Variants in SORD observed in about 807,000 individuals in gnomAD.
The protein encoded by SORD is (R,R)-butanediol dehydrogenase.
Under a neutral mutation model 35.6 loss-of-function variants are expected in SORD, and 18 were observed. That is an observed-to-expected ratio of 0.51 (90% CI 0.35 to 0.75). SORD has a LOEUF of 0.75. Ranked by LOEUF, SORD falls within the 30% of genes least tolerant of loss-of-function variation. The probability of loss-of-function intolerance (pLI) is 0.01; values close to 1 mark genes in which losing one functional copy is unlikely to be tolerated. For missense variants in SORD, 250 were observed against 390.2 expected, an observed-to-expected ratio of 0.64 and a Z score of 3.03; for synonymous variants, 106 against 152.9, an observed-to-expected ratio of 0.69 and a Z score of 2.26.
chr15:45,061,607 C>T (rs749643329), intron 4 of SORD, among the ~76,000 whole-genome samples: 1 of 151,874 alleles, frequency 6.6e-6, no homozygotes, highest in African/African-American at 2.4e-5. Flanking sequence ...GTGGCTCATG[C>T]CTGTAATCCC....
chr15:45,073,503 G>A lies in SORD; in HGVS notation c.1047G>A (p.Lys349=), dbSNP rs1349777040. The part of the protein sequence containing the change: ...KKGLGLKIML[K]CDPSDQNP ...GATTGGGGTTGAAAATCATGCTCAA[G>A]TGTGACCCCAGTGACCAGAATCCCT... Residue 349 remains lysine, a synonymous_variant, in exon 9 of 9, where the codon AAG becomes AAA. Coordinates refer to ENST00000267814, the MANE Select transcript of SORD (RefSeq NM_003104.6). The A allele has an allele frequency of 1.9e-6, 3 of 1,570,362 alleles. No individual in the cohort carries two copies. The highest frequency in any genetic ancestry group is 2.6e-6 in the Non-Finnish European group (3 of 1,165,862).
intron 1 of SORD, among the ~76,000 whole-genome samples, chr15:45,035,354 C>G (rs1380264745): frequency 1.3e-5 from 2 of 152,140 alleles, no homozygotes; most frequent in African/African-American, 4.8e-5. Context: ...TGTAAATATA[C>G]CAATCGGCAC....
At position 45,068,318 on chromosome 15, in the gene SORD, A is replaced by G. The variant is rs1893440804; in HGVS notation, c.610+72A>G. ...TCCTACTGTATGTGCATGTGTGAGG[A>G]GAGGTTATCTGTGACAGTGTGGAGG... On this transcript the variant is annotated intron_variant, in intron 6 of 8. Transcript: ENST00000267814. 10 of 1,111,168 alleles carry G rather than the reference A, an allele frequency of 9.0e-6. No homozygotes were observed. In the East Asian group the frequency reaches 2.1e-4, roughly 23 times the overall value. 68.8% of individuals were successfully genotyped at this position (1,111,168 alleles called of 1,614,324 possible). A position where few individuals can be genotyped will look rare whatever the true frequency, so the allele number is the denominator to read the frequency against.
chr15:45,068,099 T>C (rs1893436110), intron 5 of SORD, 82 bp from the exon 6 acceptor site: 2 of 1,038,264 alleles, frequency 1.9e-6, no homozygotes, highest in Admixed American at 3.4e-5. Flanking sequence ...ACAAAAGATA[T>C]GGTTCCTATC....
At chr15:45,026,045 T>C (rs2141260721) in intron 1 of SORD, among the ~76,000 whole-genome samples, 1 of 152,240 alleles carries the variant, frequency 6.6e-6, no homozygotes, top group Non-Finnish European at 1.5e-5. Flanking sequence ...CAGAAAGAGT[T>C]GTCAGCAGAG....
intron 4 of SORD, among the ~76,000 whole-genome samples, chr15:45,061,527 C>G (rs1434963288): frequency 6.6e-6 from 1 of 152,108 alleles, no homozygotes; most frequent in Non-Finnish European, 1.5e-5. Flanking sequence ...TCCTGTGGTT[C>G]ATCCTCTGTT....
At chr15:45,046,912 G>A (rs535079705) in intron 3 of SORD, among the ~76,000 whole-genome samples, 2 of 152,242 alleles carry the variant, frequency 1.3e-5, no homozygotes, top group East Asian at 1.9e-4. Flanking sequence ...CAGCTATTCA[G>A]GAGGCTGAGG....
At chr15:45,032,381 AAAACATT>A (rs1428895915) in intron 1 of SORD, among the ~76,000 whole-genome samples, 1 of 152,190 alleles carries the variant, frequency 6.6e-6, no homozygotes, top group Non-Finnish European at 1.5e-5. Flanking sequence ...TTAGAATCAC[AAAACATT>A]ATTATATATC....
At chr15:45,044,064 GT>G in intron 3 of SORD, among the ~76,000 whole-genome samples, 1 of 152,358 alleles carries the variant, frequency 6.6e-6, no homozygotes, top group Middle Eastern at 3.4e-3. Flanking sequence ...CCCATCCTGT[GT>G]TAGTTATAAA....
chr15:45,067,006 A>G (rs1183921483), intron 5 of SORD, among the ~76,000 whole-genome samples: 2 of 152,152 alleles, frequency 1.3e-5, no homozygotes, highest in South Asian at 2.1e-4. Flanking sequence ...TGGGTATAGA[A>G]TCTTTTAGTT....
chr15:45,032,422 A>G (rs1892801417), intron 1 of SORD, among the ~76,000 whole-genome samples: 1 of 152,048 alleles, frequency 6.6e-6, no homozygotes, highest in Non-Finnish European at 1.5e-5. Context: ...GGATGTCCCA[A>G]GACACCTCAG....
intron 3 of SORD, among the ~76,000 whole-genome samples, chr15:45,049,729 T>TA (rs1893097989): frequency 6.6e-6 from 1 of 152,216 alleles, no homozygotes; most frequent in Non-Finnish European, 1.5e-5. Flanking sequence ...CCAGATTTTT[T>TA]ATATTACTGA....
At chr15:45,052,706 C>T (rs1893144601) in intron 3 of SORD, among the ~76,000 whole-genome samples, 4 of 152,132 alleles carry the variant, frequency 2.6e-5, no homozygotes, top group South Asian at 2.1e-4. Flanking sequence ...CCACTGCTGC[C>T]CCCACCACCC....
chr15:45,067,049 G>A (rs1893417935), intron 5 of SORD, among the ~76,000 whole-genome samples: 1 of 152,074 alleles, frequency 6.6e-6, no homozygotes, highest in Admixed American at 6.6e-5. Context: ...TGCTAAATAC[G>A]CTTCCTTTAC....
rs1426290320 is a variant in SORD at position 45,075,263 on chromosome 15, C to A, written c.*1733C>A. On this transcript the variant is annotated 3_prime_UTR_variant, in exon 9 of 9. Coordinates refer to ENST00000267814, the MANE Select transcript of SORD (RefSeq NM_003104.6). ...ACAAATGATGCTCCCCATGCCACCA[C>A]CCCCACCAAGCAGCTCCTACTGATG... 4 of 126,550 alleles carry A rather than the reference C, an allele frequency of 3.2e-5. No homozygotes were observed. Among genetic ancestry groups the A allele is most frequent in the Non-Finnish European group, 4.6e-5 (3 of 65,858 alleles). 7.8% of individuals were successfully genotyped at this position (126,550 alleles called of 1,614,324 possible).
At chr15:45,030,996 G>C (rs910850175) in intron 1 of SORD, among the ~76,000 whole-genome samples, 1 of 152,236 alleles carries the variant, frequency 6.6e-6, no homozygotes, top group Non-Finnish European at 1.5e-5. Flanking sequence ...ACATACCAAC[G>C]ATCATGCAAA....
chr15:45,030,626 G>A (rs1389757038), intron 1 of SORD, among the ~76,000 whole-genome samples: 3 of 152,260 alleles, frequency 2.0e-5, no homozygotes, highest in African/African-American at 7.2e-5. Context: ...CAGAGACTTA[G>A]AATTTTTGCT....
chr15:45,040,966 C>T (rs1351516265), intron 2 of SORD, among the ~76,000 whole-genome samples: 1 of 152,230 alleles, frequency 6.6e-6, no homozygotes, highest in Non-Finnish European at 1.5e-5. Context: ...GTGGGAGGTG[C>T]TGCATGGGTC....
chr15:45,044,180 G>C (rs1372718209), intron 3 of SORD, among the ~76,000 whole-genome samples: 2 of 152,238 alleles, frequency 1.3e-5, no homozygotes, highest in African/African-American at 4.8e-5. Context: ...TGGAAGTCAA[G>C]AAGGCTCCTG....
Sources: allele counts gnomAD v4.1 joint callset (sites outside exome capture counted in the v4.1 genomes callset), GRCh38; gene constraint gnomAD v4.1.1; transcripts MANE v1.5; gene names NCBI Gene and HGNC (gene_info 2026-07-23, HGNC 2026-07-21).